Variants in CLEC16A observed in about 807,000 individuals in gnomAD.
The protein encoded by CLEC16A is protein CLEC16A.
CLEC16A carries 51 observed loss-of-function variants against 109.5 expected under a neutral mutation model. The observed-to-expected ratio is 0.47, with a 90% CI of 0.37 to 0.59. The LOEUF (loss-of-function observed/expected upper bound fraction) is 0.59, where lower values mean the gene tolerates loss of function less well. CLEC16A is among the 20% of genes least tolerant of loss of function. The probability of loss-of-function intolerance (pLI) is 0.00; values close to 1 mark genes in which losing one functional copy is unlikely to be tolerated. For missense variants in CLEC16A, 1,339 were observed against 1,394.0 expected, an observed-to-expected ratio of 0.96 and a Z score of 0.63; for synonymous variants, 673 against 564.2, an observed-to-expected ratio of 1.19 and a Z score of -2.73.
chr16:11,120,116 C>A (rs557570745), intron 19 of CLEC16A, among the ~76,000 whole-genome samples: 8 of 152,250 alleles, frequency 5.3e-5, no homozygotes, highest in African/African-American at 1.7e-4. Context: ...ATTACAGGTG[C>A]CCACCACCAC....
At chr16:11,134,045 A>G (rs1402774443) in intron 22 of CLEC16A, among the ~76,000 whole-genome samples, 1 of 152,014 alleles carries the variant, frequency 6.6e-6, no homozygotes, top group Non-Finnish European at 1.5e-5. Context: ...AGATGTTACC[A>G]TTTTCCCTTT....
chr16:11,016,319 G>T (rs1449645955), intron 11 of CLEC16A, among the ~76,000 whole-genome samples: 5 of 151,152 alleles, frequency 3.3e-5, no homozygotes, highest in Admixed American at 2.0e-4. Context: ...ACAGCAGTCT[G>T]CACCACGTTC....
intron 22 of CLEC16A, among the ~76,000 whole-genome samples, chr16:11,159,952 A>G (rs573604001): frequency 6.6e-6 from 1 of 152,296 alleles, no homozygotes; most frequent in African/African-American, 2.4e-5. Context: ...ATGTAAGGGC[A>G]TCTGTAGGGA....
rs187423477 is a variant in CLEC16A at position 11,157,156 on chromosome 16, C to G, written c.2642-9232C>G. The G allele has an allele frequency of 1.9e-4, 241 of 1,268,696 alleles. 1 individual carries two copies. The African/African-American group carries it at 3.6e-3, about 19-fold the overall frequency. 78.6% of individuals were successfully genotyped at this position (1,268,696 alleles called of 1,614,324 possible). A position where few individuals can be genotyped will look rare whatever the true frequency, so the allele number is the denominator to read the frequency against. On this transcript the variant is annotated intron_variant, in intron 22 of 23. Transcript: ENST00000409790. ...ATAGGCTAAAAGACTCTGCAAGTTC[C>G]CAGCTATTTTTGTATGTTGGACATG...
chr16:11,006,528 A>G (rs191725570), intron 11 of CLEC16A, among the ~76,000 whole-genome samples: 4 of 152,264 alleles, frequency 2.6e-5, no homozygotes, highest in South Asian at 2.1e-4. Flanking sequence ...ACAGATGGAC[A>G]TGGTGACTCT....
At chr16:10,994,314 T>A (rs1298282976) in intron 10 of CLEC16A, among the ~76,000 whole-genome samples, 1 of 152,198 alleles carries the variant, frequency 6.6e-6, no homozygotes, top group Non-Finnish European at 1.5e-5. Flanking sequence ...GGGCTTTGGT[T>A]CCACAGCTCC....
chr16:10,992,407 A>G (rs1413704912), intron 10 of CLEC16A, among the ~76,000 whole-genome samples: 1 of 152,098 alleles, frequency 6.6e-6, no homozygotes, highest in Non-Finnish European at 1.5e-5. Context: ...TGTTCTCACC[A>G]CAAAGAAATG....
At chr16:11,088,738 G>T (rs2050144423) in intron 19 of CLEC16A, among the ~76,000 whole-genome samples, 1 of 152,198 alleles carries the variant, frequency 6.6e-6, no homozygotes, top group South Asian at 2.1e-4. Context: ...AGCATTGGCT[G>T]GAAAATTGGC....
intron 8 of CLEC16A, among the ~76,000 whole-genome samples, chr16:10,978,783 C>A (rs1172999621): frequency 2.0e-5 from 3 of 152,248 alleles, no homozygotes; most frequent in Non-Finnish European, 4.4e-5. Context: ...AATTCTGCCT[C>A]TTCCCTTTCC....
At chr16:11,157,128 G>T in intron 22 of CLEC16A, 1 of 1,298,142 alleles carries the variant, frequency 7.7e-7, no homozygotes, top group South Asian at 1.3e-5. Context: ...TGGATAAAGA[G>T]CTATAGGCTA....
At chr16:11,022,469 A>G (rs1406201496) in intron 12 of CLEC16A, among the ~76,000 whole-genome samples, 1 of 149,600 alleles carries the variant, frequency 6.7e-6, no homozygotes, top group Non-Finnish European at 1.5e-5. Context: ...AGTGGGAAGG[A>G]AGGTGGCTGT....
chr16:10,957,967 A>T (rs967613021), intron 2 of CLEC16A, 57 bp downstream of exon 2: 3 of 1,548,202 alleles, frequency 1.9e-6, no homozygotes, highest in Non-Finnish European at 2.7e-6. Flanking sequence ...TGTTTTTCTA[A>T]ATGTATACTA....
intron 23 of CLEC16A, among the ~76,000 whole-genome samples, chr16:11,172,859 A>G (rs980521220): frequency 1.3e-5 from 2 of 152,230 alleles, no homozygotes; most frequent in Non-Finnish European, 2.9e-5. Flanking sequence ...ACTGTACTCC[A>G]GCCTGGGCAA....
chr16:11,100,783 G>A (rs530101183), intron 19 of CLEC16A, among the ~76,000 whole-genome samples: 52 of 152,310 alleles, frequency 3.4e-4, no homozygotes, highest in African/African-American at 1.0e-3. Context: ...TCTGAAATTA[G>A]CATGGGTATA....
intron 16 of CLEC16A, 47 bp downstream of exon 16, chr16:11,044,119 A>T (rs1267339437): frequency 2.6e-6 from 4 of 1,538,030 alleles, no homozygotes; most frequent in Non-Finnish European, 3.5e-6. Flanking sequence ...TGTATTGTAG[A>T]AACAGAAGTG....
chr16:11,176,020 C>T (rs2068734192), intron 23 of CLEC16A, among the ~76,000 whole-genome samples: 2 of 152,270 alleles, frequency 1.3e-5, no homozygotes, highest in South Asian at 2.1e-4. Context: ...AAACTGCCTC[C>T]TCAGCAGCAA....
intron 11 of CLEC16A, among the ~76,000 whole-genome samples, chr16:11,013,308 G>T (rs2045551541): frequency 6.6e-6 from 1 of 152,186 alleles, no homozygotes; most frequent in Non-Finnish European, 1.5e-5. Context: ...TCCCCATTCA[G>T]AGTGGATTTG....
At chr16:11,075,406 GTGTGTCTGTGTGTGTGTGTGTA>G (rs1436152278) in intron 19 of CLEC16A, among the ~76,000 whole-genome samples, 29 of 135,180 alleles carry the variant, frequency 2.1e-4, no homozygotes, top group African/African-American at 7.3e-4. Flanking sequence ...GTGTGTGTGT[GTGTGTCTGTGTGTGTGTGTGTA>G]TGTGTGTGTG....
chr16:11,146,686 T>G (rs2054071812), intron 22 of CLEC16A, among the ~76,000 whole-genome samples: 1 of 136,632 alleles, frequency 7.3e-6, no homozygotes, highest in Non-Finnish European at 1.5e-5. Flanking sequence ...GACTGGCAGA[T>G]GGGTAAATGG....
Sources: gnomAD v4.1 joint callset for allele counts (sites outside exome capture counted in the v4.1 genomes callset) on GRCh38, gnomAD v4.1.1 for gene constraint, MANE v1.5 for transcripts, NCBI Gene and HGNC (gene_info 2026-07-23, HGNC 2026-07-21) for gene names.